Variants in WDR72 observed in about 807,000 individuals in gnomAD.
WDR72 encodes the protein WD repeat domain 72, also known as WD repeat-containing protein 72.
A neutral mutation model predicts 124.2 loss-of-function variants in WDR72; 120 were observed. The ratio of observed to expected loss-of-function variants is 0.97; its 90% CI spans 0.83 to 1.12. The LOEUF (loss-of-function observed/expected upper bound fraction) is 1.12, where lower values mean the gene tolerates loss of function less well. Ranked by LOEUF, WDR72 falls within the 50% of genes most tolerant of loss-of-function variation. The probability of loss-of-function intolerance (pLI) is 0.00; values close to 1 mark genes in which losing one functional copy is unlikely to be tolerated. For missense variants in WDR72, 1,387 were observed against 1,278.8 expected, an observed-to-expected ratio of 1.08 and a Z score of -1.29; for synonymous variants, 452 against 441.7, an observed-to-expected ratio of 1.02 and a Z score of -0.29.
At chr15:53,650,580 C>T (rs909370300) in intron 14 of WDR72, among the ~76,000 whole-genome samples, 3 of 152,090 alleles carry the variant, frequency 2.0e-5, no homozygotes, top group East Asian at 3.9e-4. Context: ...TACTTCTTCC[C>T]CATCTTCATA....
Position 53,599,364 on chromosome 15 carries a change from G to A in WDR72, c.2953-2090C>T, listed in dbSNP as rs28461333. Among the ~76,000 whole-genome samples, 876 of 152,140 alleles carry A rather than the reference G, an allele frequency of 5.8e-3. 8 individuals carry two copies. The highest frequency in any genetic ancestry group is 0.021 in the African/African-American group (855 of 41,488). ...CATGATGTGGATGATGTGGTAGAAA[G>A]AACTCAGGATTATAAGTGAAAACGT... On this transcript the variant is annotated intron_variant, in intron 17 of 19. Transcript: ENST00000360509.
chr15:53,709,257 G>A (rs1176105921), intron 9 of WDR72, among the ~76,000 whole-genome samples: 1 of 152,176 alleles, frequency 6.6e-6, no homozygotes. Flanking sequence ...AGGCAAGTAA[G>A]GACAGGCAGA....
intron 14 of WDR72, among the ~76,000 whole-genome samples, chr15:53,630,999 T>A (rs960220032): frequency 6.6e-6 from 1 of 152,206 alleles, no homozygotes; most frequent in Non-Finnish European, 1.5e-5. Flanking sequence ...AACTAATAAA[T>A]GAGTTTAGCA....
intron 4 of WDR72, among the ~76,000 whole-genome samples, chr15:53,716,229 G>C (rs571514298): frequency 6.6e-6 from 1 of 152,082 alleles, no homozygotes; most frequent in Non-Finnish European, 1.5e-5. Flanking sequence ...CCAAAACATA[G>C]GGTTTAAAAT....
intron 14 of WDR72, among the ~76,000 whole-genome samples, chr15:53,627,345 C>T (rs1418945639): frequency 6.6e-6 from 1 of 152,196 alleles, no homozygotes; most frequent in Non-Finnish European, 1.5e-5. Context: ...GAACTAGTCA[C>T]ATATAAAATT....
At chr15:53,667,542 G>A (rs902230691) in intron 13 of WDR72, among the ~76,000 whole-genome samples, 5 of 152,084 alleles carry the variant, frequency 3.3e-5, no homozygotes, top group Non-Finnish European at 5.9e-5. Context: ...TTCCTCTCAA[G>A]ACTGACAATA....
chr15:53,661,844 G>C (rs888295306), intron 14 of WDR72, among the ~76,000 whole-genome samples: 2 of 152,078 alleles, frequency 1.3e-5, no homozygotes, highest in African/African-American at 4.8e-5. Context: ...TGAAGCTCTA[G>C]AAAAGCAAAT....
At chr15:53,753,361 T>C (rs1337534445) in intron 1 of WDR72, among the ~76,000 whole-genome samples, 1 of 152,256 alleles carries the variant, frequency 6.6e-6, no homozygotes, top group South Asian at 2.1e-4. Context: ...TCTGACTCTG[T>C]CCTAGCAATC....
intron 12 of WDR72, among the ~76,000 whole-genome samples, chr15:53,701,378 CA>C (rs2017168370): frequency 6.6e-6 from 1 of 151,810 alleles, no homozygotes; most frequent in African/African-American, 2.4e-5. Context: ...CCTGTTTCTA[CA>C]AAAACAAAAA....
intron 2 of WDR72, among the ~76,000 whole-genome samples, chr15:53,723,546 T>C (rs1008614506): frequency 1.3e-5 from 2 of 152,180 alleles, no homozygotes; most frequent in Admixed American, 1.3e-4. Flanking sequence ...ACAATCTAAG[T>C]GTCCATTAAC....
chr15:53,658,207 A>T (rs1391279629), intron 14 of WDR72, among the ~76,000 whole-genome samples: 2 of 152,178 alleles, frequency 1.3e-5, no homozygotes, highest in Non-Finnish European at 2.9e-5. Flanking sequence ...TTATACCTGG[A>T]AATTTTTTTA....
intron 18 of WDR72, among the ~76,000 whole-genome samples, chr15:53,549,098 AT>A (rs1157888009): frequency 7.9e-5 from 12 of 152,172 alleles, no homozygotes; most frequent in African/African-American, 2.9e-4. Context: ...TTCTTTTAGC[AT>A]GTTATTCTTT....
chr15:53,711,654 T>G (rs968606536), intron 7 of WDR72, among the ~76,000 whole-genome samples, 173 bp from the exon 8 acceptor site: 1 of 152,202 alleles, frequency 6.6e-6, no homozygotes, highest in African/African-American at 2.4e-5. Flanking sequence ...TATATTTATC[T>G]TAGGGTAGGT....
intron 18 of WDR72, among the ~76,000 whole-genome samples, chr15:53,586,239 T>C (rs938262174): frequency 1.3e-5 from 2 of 152,006 alleles, no homozygotes; most frequent in Non-Finnish European, 2.9e-5. Context: ...CCAGAGATAC[T>C]AAGAGATATA....
intron 1 of WDR72, among the ~76,000 whole-genome samples, chr15:53,739,638 G>T (rs2018454022): frequency 6.6e-6 from 1 of 152,014 alleles, no homozygotes; most frequent in Non-Finnish European, 1.5e-5. Flanking sequence ...ACACACATGG[G>T]CGTGTTTTAA....
intron 14 of WDR72, among the ~76,000 whole-genome samples, chr15:53,623,421 AT>A (rs1243623512): frequency 6.6e-6 from 1 of 152,130 alleles, no homozygotes. Flanking sequence ...CTCCAGCTGC[AT>A]CCATGTTGCT....
At chr15:53,702,681 T>G (rs910962407) in intron 11 of WDR72, among the ~76,000 whole-genome samples, 1 of 152,102 alleles carries the variant, frequency 6.6e-6, no homozygotes, top group Non-Finnish European at 1.5e-5. Flanking sequence ...AAGACCAGCC[T>G]GGCCAACATG....
chr15:53,729,954 G>C (rs563540750), intron 2 of WDR72, among the ~76,000 whole-genome samples: 1 of 152,248 alleles, frequency 6.6e-6, no homozygotes, highest in Admixed American at 6.5e-5. Context: ...ACAAAATTAT[G>C]TGTCAATTAA....
chr15:53,666,945 C>T (rs1484322798), intron 13 of WDR72, among the ~76,000 whole-genome samples: 2 of 152,130 alleles, frequency 1.3e-5, no homozygotes, highest in African/African-American at 4.8e-5. Context: ...ACTTCAGTCT[C>T]GAGTCCCTTA....
Sources: allele counts gnomAD v4.1 joint callset (sites outside exome capture counted in the v4.1 genomes callset), GRCh38; gene constraint gnomAD v4.1.1; transcripts MANE v1.5; gene names NCBI Gene and HGNC (gene_info 2026-07-23, HGNC 2026-07-21).